ZNF256: variants seen among roughly 807,000 people sequenced by gnomAD.
The protein encoded by ZNF256 is zinc finger protein 256.
Under a neutral mutation model 7.9 loss-of-function variants are expected in ZNF256, and 4 were observed. That is an observed-to-expected ratio of 0.50 (90% confidence interval 0.25 to 1.15). ZNF256 has a LOEUF of 1.15. ZNF256 is among the 50% of genes most tolerant of loss of function. ZNF256 has a pLI of 0.15. For missense variants in ZNF256, 666 were observed against 755.9 expected (o/e 0.88, Z 1.39); for synonymous variants, 260 against 260.4 (o/e 1.00, Z 0.02).
chr19:57,945,025 A>G (rs1334930254), intron 1 of ZNF256, among the ~76,000 whole-genome samples: 3 of 151,320 alleles, frequency 2.0e-5, no homozygotes, highest in Non-Finnish European at 4.4e-5. Flanking sequence ...CCTCCCAAGT[A>G]GCTGGGACTA....
In ZNF256 at chr19:57,941,839, G is replaced by GT. The variant is rs1568560288; in HGVS notation, c.968dup (p.Tyr323Ter). ...HQRVHTGERP[Y>*]KCSECGKSFS... is the part of the protein sequence containing the mutation. ...AGGATTTCCCACATTCACTGCACTT[G>GT]TAAGGCCTTTCTCCAGTATGAACTC... is the stretch of plus-strand genomic sequence containing the variant. The change falls in exon 3 of 3, where the codon TAC (tyrosine) becomes TAAC (stop). Residue 323 changes from tyrosine (Y) to a stop codon, truncating the protein, a stop_gained and frameshift_variant. Coordinates refer to ENST00000282308, the MANE Select transcript of ZNF256 (RefSeq NM_005773.3). LOFTEE classifies it low-confidence loss of function (END_TRUNC). 1 of 1,613,798 alleles carries GT rather than the reference G, an allele frequency of 6.2e-7. No individual in the cohort carries two copies. The highest frequency in any genetic ancestry group is 8.5e-7 in the Non-Finnish European group (1 of 1,179,966).
rs1475746834 is a variant in ZNF256, at chr19:57,943,925, G to A, written c.160+9C>T. The A allele has an allele frequency of 4.3e-6, 7 of 1,613,554 alleles. No individual in the cohort carries two copies. The African/African-American group carries it at 8.0e-5, about 18-fold the overall frequency. ...GCTCGGGGCATAGAGGTGGGTGTGA[G>A]GACCTTACCCAGGGAGGTTGTAAGT... On this transcript the variant is annotated intron_variant, in intron 2 of 2. Coordinates refer to ENST00000282308, the MANE Select transcript of ZNF256 (RefSeq NM_005773.3).
intron 1 of ZNF256, 151 bp from the exon 2 acceptor site, chr19:57,944,211 T>C: frequency 8.7e-7 from 1 of 1,148,744 alleles, no homozygotes; most frequent in Non-Finnish European, 1.2e-6. Context: ...GGTGCTGTTG[T>C]CTCCTAATGG....
In ZNF256 at chr19:57,942,333, A is replaced by G; in HGVS notation, c.475T>C (p.Cys159Arg). 2.5e-6 allele frequency: 4 copies of G among 1,614,244 alleles called. No individual in the cohort carries two copies. The highest frequency in any genetic ancestry group is 3.4e-6 in the Non-Finnish European group (4 of 1,180,048). Residue 159 changes from cysteine (C) to arginine (R), a missense_variant, in exon 3 of 3, where the codon TGC becomes CGC. Cys to Arg is a radical substitution (Grantham distance 180). Transcript: ENST00000282308. ...NGGRDMFLSS[C>R]TFEVSGKPFT... is the part of the protein sequence containing the mutation. Reference sequence around the variant, plus strand: ...GGCTTCCCAGATACTTCAAATGTGCAGCTGCTCAAAAACATGTCTCTGCCC... The same window carrying G: ...GGCTTCCCAGATACTTCAAATGTGCGGCTGCTCAAAAACATGTCTCTGCCC...
At chr19:57,944,889 A>G (rs1385079885) in intron 1 of ZNF256, among the ~76,000 whole-genome samples, 1 of 151,658 alleles carries the variant, frequency 6.6e-6, no homozygotes, top group African/African-American at 2.4e-5. Context: ...GTGACATTGG[A>G]CAAATGAGAT....
intron 1 of ZNF256, 58 bp downstream of exon 1, chr19:57,947,384 G>A: frequency 8.1e-7 from 1 of 1,241,994 alleles, no homozygotes; most frequent in Non-Finnish European, 1.0e-6. Context: ...AAGCGCCCTC[G>A]GGGGTGCTAG....
Position 57,940,895 on chromosome 19 carries a change from G to GT in ZNF256, c.*28dup, listed in dbSNP as rs2072721670. 2.5e-6 allele frequency: 4 copies of GT among 1,583,484 alleles called. No homozygotes were observed. Among genetic ancestry groups the GT allele is most frequent in the Non-Finnish European group, 3.4e-6 (4 of 1,161,170 alleles). On this transcript the variant is annotated 3_prime_UTR_variant, in exon 3 of 3. Coordinates refer to ENST00000282308, the MANE Select transcript of ZNF256 (RefSeq NM_005773.3). ...ATTTTGCAGGGACACTTCTCAGTCC[G>GT]TAACAGCCCTATGTGTGTTACCTAA...
In ZNF256 at chr19:57,941,708, A is replaced by G. The variant is rs770112607; in HGVS notation, c.1100T>C (p.Ile367Thr). ...ACCAGTGTGAACTCTCTGGTGTGTAATAAGGCTAGAACTATGGATAAAAGA... is the reference window on the plus strand; with the variant it reads ...ACCAGTGTGAACTCTCTGGTGTGTAGTAAGGCTAGAACTATGGATAAAAGA... The part of the protein sequence containing the change: ...GKSFIHSSSL[I>T]THQRVHTGTR... Residue 367 changes from isoleucine to threonine, a missense_variant, in exon 3 of 3, where the codon ATT becomes ACT. Physicochemically the swap from Ile to Thr is moderately conservative, Grantham distance 89 (BLOSUM62 -1). Transcript: ENST00000282308. 3 of 1,614,014 alleles carry G rather than the reference A, an allele frequency of 1.9e-6. No homozygotes were observed. Among genetic ancestry groups the G allele is most frequent in the South Asian group, 2.2e-5 (2 of 91,074 alleles).
chr19:57,947,366 C>T, intron 1 of ZNF256, 76 bp downstream of exon 1: 1 of 1,223,890 alleles, frequency 8.2e-7, no homozygotes, highest in Non-Finnish European at 1.0e-6. Context: ...GGCAGCAGGG[C>T]CGCGAGCAAG....
intron 2 of ZNF256, 65 bp downstream of exon 2, chr19:57,943,869 G>A (rs2072746825): frequency 6.3e-7 from 1 of 1,580,694 alleles, no homozygotes; most frequent in Non-Finnish European, 8.6e-7. Context: ...AGACACATCT[G>A]ACTCTGGGGA....
Position 57,947,614 on chromosome 19 carries a change from A to T in ZNF256, c.-140T>A. Reference sequence around the variant, plus strand: ...CTCGCGCCTTCTCAGTCAGTCACGGATGATGCTGACCCAGCGCTCCGGGGC... The same window carrying T: ...CTCGCGCCTTCTCAGTCAGTCACGGTTGATGCTGACCCAGCGCTCCGGGGC... On this transcript the variant is annotated 5_prime_UTR_variant, in exon 1 of 3. Transcript: ENST00000282308. 1 of 809,384 alleles carries T rather than the reference A, an allele frequency of 1.2e-6. No individual in the cohort carries two copies. Among genetic ancestry groups the T allele is most frequent in the Non-Finnish European group, 1.7e-6 (1 of 589,390 alleles). The allele number at this position is 809,384 out of a possible 1,614,324, so 50.1% of individuals were successfully genotyped here.
In ZNF256 at chr19:57,941,290, G is replaced by A. The variant is rs769461673; in HGVS notation, c.1518C>T (p.Leu506=). The change falls in exon 3 of 3, where the codon CTC becomes CTT. Residue 506 remains leucine (L), a synonymous_variant. Coordinates refer to ENST00000282308, the MANE Select transcript of ZNF256 (RefSeq NM_005773.3). ...CAGTGTGAACTCTCTGGTGTTGAAG[G>A]AGCGTAGAGCTATGAGTAAATGATT... ...CGKSFTHSST[L]LQHQRVHTGE... is the part of the protein sequence containing the mutation. 2.5e-6 allele frequency: 4 copies of A among 1,613,128 alleles called. No individual in the cohort carries two copies. Among genetic ancestry groups the A allele is most frequent in the African/African-American group, 1.3e-5 (1 of 74,596 alleles).
Position 57,941,755 on chromosome 19 carries a change from A to G in ZNF256, c.1053T>C (p.Tyr351=). The G allele has an allele frequency of 6.2e-7, 1 of 1,613,760 alleles. No individual in the cohort carries two copies. The highest frequency in any genetic ancestry group is 2.2e-5 in the East Asian group (1 of 44,820). Residue 351 remains tyrosine, a synonymous_variant, in exon 3 of 3, where the codon TAT becomes TAC. Transcript: ENST00000282308. ...HQRIHTGMRP[Y]ECSECGKSFI... ...AAGATTTCCCACATTCACTGCACTCATAAGGCCTCATTCCAGTATGAATTC... is the reference window on the plus strand; with the variant it reads ...AAGATTTCCCACATTCACTGCACTCGTAAGGCCTCATTCCAGTATGAATTC...
intron 2 of ZNF256, among the ~76,000 whole-genome samples, chr19:57,943,007 G>A (rs547228066): frequency 1.3e-4 from 20 of 152,246 alleles, no homozygotes; most frequent in East Asian, 7.7e-4. Context: ...ACAAAATAGC[G>A]GCTGACATAC....
chr19:57,945,142 G>A lies in ZNF256; in HGVS notation c.34-1082C>T, dbSNP rs529389450. Among the ~76,000 whole-genome samples the A allele has an allele frequency of 1.4e-4, 21 of 151,964 alleles. 1 individual carries two copies. The South Asian group carries it at 3.3e-3, about 24-fold the overall frequency. On this transcript the variant is annotated intron_variant, in intron 1 of 2. Transcript: ENST00000282308. ...GATCTCCTGACCTTGTGAGCTGCCC[G>A]CCTCGGCCTCCCAAAGTGCTGGGAT...
chr19:57,942,816 T>G (rs1398269056), intron 2 of ZNF256, among the ~76,000 whole-genome samples, 169 bp from the exon 3 acceptor site: 2 of 152,134 alleles, frequency 1.3e-5, no homozygotes, highest in African/African-American at 4.8e-5. Flanking sequence ...GAACTGGGCC[T>G]CTAAAGATCA....
rs374934420 is a variant in ZNF256, at chr19:57,944,040, G to A, written c.54C>T (p.Asp18=). The change falls in exon 2 of 3, where the codon GAC becomes GAT. Residue 18 remains aspartate, a synonymous_variant. Coordinates refer to ENST00000282308, the MANE Select transcript of ZNF256 (RefSeq NM_005773.3). ...APAQGIVTFE[D]VAVYFSWKEW... ...CCTTCCAGGAGAAGTAAACAGCCAC[G>A]TCCTCAAAGGTCACAATGCCCTGCC... The A allele has an allele frequency of 6.3e-5, 102 of 1,613,796 alleles. 1 individual carries two copies. In the South Asian group the frequency reaches 8.8e-4, roughly 14 times the overall value.
At position 57,947,550 on chromosome 19, in the gene ZNF256, G is replaced by A. The variant is rs1254799167; in HGVS notation, c.-76C>T. Reference sequence around the variant, plus strand: ...GGGCCTGGGTACCCTGGGCGCCGCCGAGCCTCAGCCACGCCTCTGTGCAGC... The same window carrying A: ...GGGCCTGGGTACCCTGGGCGCCGCCAAGCCTCAGCCACGCCTCTGTGCAGC... On this transcript the variant is annotated 5_prime_UTR_variant, in exon 1 of 3. Coordinates refer to ENST00000282308, the MANE Select transcript of ZNF256 (RefSeq NM_005773.3). The A allele has an allele frequency of 4.1e-6, 5 of 1,229,190 alleles. No homozygotes were observed. Among genetic ancestry groups the A allele is most frequent in the South Asian group, 4.2e-5 (1 of 24,072 alleles). 76.1% of individuals were successfully genotyped at this position (1,229,190 alleles called of 1,614,324 possible).
intron 1 of ZNF256, among the ~76,000 whole-genome samples, chr19:57,944,747 C>A (rs1019491611): frequency 6.6e-6 from 1 of 152,038 alleles, no homozygotes; most frequent in Non-Finnish European, 1.5e-5. Context: ...TCACTAGAAC[C>A]CAGGAGGTGG....
Sources: gnomAD v4.1 joint callset for allele counts (sites outside exome capture counted in the v4.1 genomes callset) on GRCh38, gnomAD v4.1.1 for gene constraint, MANE v1.5 for transcripts, NCBI Gene and HGNC (gene_info 2026-07-23, HGNC 2026-07-21) for gene names.